Variants in ALOX15B observed in about 807,000 individuals in gnomAD.
ALOX15B encodes arachidonate 15-lipoxygenase type B, also known as polyunsaturated fatty acid lipoxygenase ALOX15B.
A neutral mutation model predicts 73.8 loss-of-function variants in ALOX15B; 74 were observed. The ratio of observed to expected loss-of-function variants is 1.00; its 90% CI spans 0.83 to 1.22. ALOX15B has a LOEUF of 1.22. ALOX15B is among the 50% of genes most tolerant of loss of function. The pLI is 0.00. For synonymous variants in ALOX15B, 353 were observed against 357.2 expected (o/e 0.99, Z 0.13); for missense variants, 896 against 859.9 (o/e 1.04, Z -0.52).
rs1193192442 is a variant in ALOX15B at position 8,047,935 on chromosome 17, C to T, written c.1851+20C>T. ...GACCAAGTGAGTGTGGGGCTGGGGGCCAGGCTGGGCCAAATTGGGGTAAGA... is the reference window on the plus strand; with the variant it reads ...GACCAAGTGAGTGTGGGGCTGGGGGTCAGGCTGGGCCAAATTGGGGTAAGA... On this transcript the variant is annotated intron_variant, in intron 13 of 13. Transcript: ENST00000380183. 1 of 1,611,654 alleles carries T rather than the reference C, an allele frequency of 6.2e-7. No individual in the cohort carries two copies. Among genetic ancestry groups the T allele is most frequent in the Non-Finnish European group, 8.5e-7 (1 of 1,178,752 alleles).
intron 6 of ALOX15B, 87 bp from the exon 7 acceptor site, chr17:8,045,151 C>T (rs1976570727): frequency 1.9e-6 from 3 of 1,602,036 alleles, no homozygotes; most frequent in East Asian, 4.5e-5. Flanking sequence ...ACACTCCTCT[C>T]CCAGCCCTGA....
Position 8,039,128 on chromosome 17 carries a change from C to A in ALOX15B, c.-28C>A. On this transcript the variant is annotated 5_prime_UTR_variant, in exon 1 of 14. Transcript: ENST00000380183. ...AGCCCCGCTCTGCAGCCCTGTGCGC[C>A]GTAGAGAGCTGGACTTAGGCTGGCA... 1 of 1,607,218 alleles carries A rather than the reference C, an allele frequency of 6.2e-7. No homozygotes were observed. The highest frequency in any genetic ancestry group is 1.1e-5 in the South Asian group (1 of 90,060).
At chr17:8,045,804 A>G in intron 8 of ALOX15B, 118 bp downstream of exon 8, 1 of 1,137,048 alleles carries the variant, frequency 8.8e-7, no homozygotes, top group Non-Finnish European at 1.3e-6. Context: ...CGTCCGCTTC[A>G]GCAGCATCTC....
intron 5 of ALOX15B, among the ~76,000 whole-genome samples, chr17:8,044,550 A>C (rs1216501627): frequency 3.3e-5 from 5 of 152,096 alleles, no homozygotes; most frequent in African/African-American, 1.2e-4. Flanking sequence ...CTGTAGGAAT[A>C]ATCTGTATTT....
chr17:8,046,700 C>T lies in ALOX15B; in HGVS notation c.1233C>T (p.His411=), dbSNP rs752661884. 1.9e-5 allele frequency: 31 copies of T among 1,614,048 alleles called. No homozygotes were observed. The East Asian group carries it at 6.2e-4, about 32-fold the overall frequency. Residue 411 remains histidine, a synonymous_variant, in exon 9 of 14, where the codon CAC becomes CAT. Transcript: ENST00000380183. ...LLIPHTRYTL[H]INTLARELLI... The stretch of plus-strand genomic sequence containing the variant: ...TCCCGCACACCCGATACACCCTGCA[C>T]ATCAACACACTCGCCCGGGAGCTGC...
chr17:8,039,080 T>C lies in ALOX15B; in HGVS notation c.-76T>C, dbSNP rs1025919809. The stretch of plus-strand genomic sequence containing the variant: ...AGTCAGTGGCAATAACCAGGGGCAA[T>C]AACCAGGCGTGTCCCAGGGGGGAGC... On this transcript the variant is annotated 5_prime_UTR_variant, in exon 1 of 14. Coordinates refer to ENST00000380183, the MANE Select transcript of ALOX15B (RefSeq NM_001141.3). 33 of 1,353,780 alleles carry C rather than the reference T, an allele frequency of 2.4e-5. No individual in the cohort carries two copies. The highest frequency in any genetic ancestry group is 3.0e-5 in the African/African-American group (2 of 65,666). The allele number at this position is 1,353,780 out of a possible 1,614,324, so 83.9% of individuals were successfully genotyped here.
rs867228687 is a variant in ALOX15B at position 8,045,287 on chromosome 17, C to A, written c.899C>A (p.Thr300Asn). The change falls in exon 7 of 14, where the codon ACC becomes AAC. Residue 300 changes from threonine (T) to asparagine (N), a missense_variant. Transcript: ENST00000380183. Reference sequence around the variant, plus strand: ...CACGGCATCCTCTCTGGCATCCAGACCAATGTCATTAATGGGAAGCCTCAG... The same window carrying A: ...CACGGCATCCTCTCTGGCATCCAGAACAATGTCATTAATGGGAAGCCTCAG... ...VDHGILSGIQTNVINGKPQFS... is the reference protein window; with the variant it reads ...VDHGILSGIQNNVINGKPQFS... The A allele has an allele frequency of 3.1e-6, 5 of 1,614,114 alleles. No individual in the cohort carries two copies. The African/African-American group carries it at 4.0e-5, about 13-fold the overall frequency.
chr17:8,040,550 G>GA (rs57248868), intron 3 of ALOX15B, among the ~76,000 whole-genome samples: 35,519 of 81,740 alleles, frequency 0.43, 6,427 homozygotes, highest in Non-Finnish European at 0.51. Flanking sequence ...CTCAAAAAAA[G>GA]AAAAAAAAAA....
At chr17:8,045,809 C>A in intron 8 of ALOX15B, 123 bp downstream of exon 8, 2 of 1,066,436 alleles carry the variant, frequency 1.9e-6, no homozygotes, top group South Asian at 1.5e-5. Context: ...GCTTCAGCAG[C>A]ATCTCCTGGC....
rs1214533854 is a variant in ALOX15B at position 8,039,916 on chromosome 17, G to T, written c.382G>T (p.Ala128Ser). The T allele has an allele frequency of 2.5e-6, 4 of 1,613,528 alleles. No individual in the cohort carries two copies. The highest frequency in any genetic ancestry group is 3.4e-6 in the Non-Finnish European group (4 of 1,179,764). The change falls in exon 3 of 14, where the codon GCA becomes TCA. Residue 128 changes from alanine (A) to serine (S), a missense_variant. Coordinates refer to ENST00000380183, the MANE Select transcript of ALOX15B (RefSeq NM_001141.3). The stretch of plus-strand genomic sequence containing the variant: ...TTCTCCCACAGCCAAGGTGTCCTGG[G>T]CAGACCACCACCCTGTGCTCCAGCA... ...LQEGTAKVSW[A>S]DHHPVLQQQR... is the part of the protein sequence containing the mutation.
At position 8,047,323 on chromosome 17, in the gene ALOX15B, T is replaced by A; in HGVS notation, c.1523T>A (p.Leu508His). 1 of 1,614,020 alleles carries A rather than the reference T, an allele frequency of 6.2e-7. No individual in the cohort carries two copies. The highest frequency in any genetic ancestry group is 8.5e-7 in the Non-Finnish European group (1 of 1,179,986). Reference protein sequence around the residue: ...SDESVQDDRELQAWVREIFSK... With the variant: ...SDESVQDDREHQAWVREIFSK... ...GAGTCTGTCCAAGATGACAGAGAGCTCCAGGCCTGGGTCAGAGAGATCTTC... is the reference window on the plus strand; with the variant it reads ...GAGTCTGTCCAAGATGACAGAGAGCACCAGGCCTGGGTCAGAGAGATCTTC... The change falls in exon 11 of 14, where the codon CTC (leucine) becomes CAC (histidine). Residue 508 changes from leucine to histidine, a missense_variant. Transcript: ENST00000380183.
At chr17:8,040,601 G>GAGAAAGAAAGAA (rs373229362) in intron 3 of ALOX15B, among the ~76,000 whole-genome samples, 11,822 of 109,196 alleles carry the variant, frequency 0.11, 736 homozygotes, top group East Asian at 0.16. Flanking sequence ...AAGAAAGAGA[G>GAGAAAGAAAGAA]AGAAAGAAAG....
chr17:8,045,357 C>G lies in ALOX15B; in HGVS notation c.969C>G (p.Cys323Trp). The G allele has an allele frequency of 1.2e-6, 2 of 1,614,090 alleles. No homozygotes were observed. Among genetic ancestry groups the G allele is most frequent in the Non-Finnish European group, 1.7e-6 (2 of 1,180,022 alleles). ...CCCTGCTATACCAGAGCCCAGGCTG[C>G]GGGCCGCTGCTGCCTCTCGCCATCC... ...PMTLLYQSPG[C>W]GPLLPLAIQL... The change falls in exon 7 of 14, where the codon TGC (cysteine) becomes TGG (tryptophan). Residue 323 changes from cysteine (C) to tryptophan (W), a missense_variant. Physicochemically the swap from Cys to Trp is radical, Grantham distance 215. Coordinates refer to ENST00000380183, the MANE Select transcript of ALOX15B (RefSeq NM_001141.3).
At chr17:8,042,572 C>T (rs1976491455) in intron 4 of ALOX15B, 81 bp downstream of exon 4, 1 of 1,556,606 alleles carries the variant, frequency 6.4e-7, no homozygotes. Context: ...AGTCAGTTCC[C>T]CCACCCTCAG....
At chr17:8,041,609 A>G (rs1040927687) in intron 3 of ALOX15B, among the ~76,000 whole-genome samples, 6 of 152,260 alleles carry the variant, frequency 3.9e-5, no homozygotes, top group Non-Finnish European at 8.8e-5. Flanking sequence ...GAAAGCTCAA[A>G]CCCAAAAGCA....
chr17:8,048,800 G>A lies in ALOX15B; in HGVS notation c.*235G>A. ...CAGAGTCTCAGGACAGAACCACTGA[G>A]TCTTTTGGAGGCTCCAAGCCTCAAA... On this transcript the variant is annotated 3_prime_UTR_variant, in exon 14 of 14. Transcript: ENST00000380183. The A allele has an allele frequency of 2.2e-6, 1 of 444,980 alleles. No homozygotes were observed. Among genetic ancestry groups the A allele is most frequent in the Non-Finnish European group, 3.9e-6 (1 of 256,812 alleles). 27.6% of individuals were successfully genotyped at this position (444,980 alleles called of 1,614,324 possible). A position where few individuals can be genotyped will look rare whatever the true frequency, so the allele number is the denominator to read the frequency against.
At chr17:8,043,025 G>C in intron 5 of ALOX15B, 141 bp downstream of exon 5, 1 of 662,524 alleles carries the variant, frequency 1.5e-6, no homozygotes, top group Non-Finnish European at 2.6e-6. Flanking sequence ...TCCCCACAGA[G>C]ACAAAAGAGA....
intron 3 of ALOX15B, among the ~76,000 whole-genome samples, chr17:8,040,619 G>GAAAGA (rs1348792033): frequency 7.9e-6 from 1 of 125,866 alleles, no homozygotes; most frequent in Non-Finnish European, 1.8e-5. Context: ...AAGAAAGAAA[G>GAAAGA]AAAGAAAGAA....
In ALOX15B at chr17:8,047,604, G is replaced by A. The variant is rs1312797570; in HGVS notation, c.1620G>A (p.Gln540=). 9.3e-6 allele frequency: 15 copies of A among 1,610,598 alleles called. No individual in the cohort carries two copies. The South Asian group carries it at 1.2e-4, about 13-fold the overall frequency. Residue 540 remains glutamine (Q), a synonymous_variant, in exon 12 of 14, where the codon CAG becomes CAA. Transcript: ENST00000380183. Reference sequence around the variant, plus strand: ...TGGAGACCCGGGAAGCCCTGGTGCAGTATGTCACCATGGTGATATTCACCT... The same window carrying A: ...TGGAGACCCGGGAAGCCCTGGTGCAATATGTCACCATGGTGATATTCACCT... The part of the protein sequence containing the change: ...SSLETREALV[Q]YVTMVIFTCS...
Sources: allele counts gnomAD v4.1 joint callset (sites outside exome capture counted in the v4.1 genomes callset), GRCh38; gene constraint gnomAD v4.1.1; transcripts MANE v1.5; gene names NCBI Gene and HGNC (gene_info 2026-07-23, HGNC 2026-07-21).